RIMS2: variants seen among roughly 807,000 people sequenced by gnomAD.
The protein encoded by RIMS2 is regulating synaptic membrane exocytosis 2.
Under a neutral mutation model 174.4 loss-of-function variants are expected in RIMS2, and 59 were observed. The observed-to-expected ratio is 0.34, with a 90% confidence interval of 0.27 to 0.42. The LOEUF is 0.42. Among genes scored for constraint, RIMS2 ranks in the 10% least tolerant of loss-of-function variants. The pLI, the probability that RIMS2 is intolerant of heterozygous loss-of-function variation, is 1.00. For missense variants in RIMS2, 1,620 were observed against 1,666.3 expected (o/e 0.97, Z 0.48); for synonymous variants, 606 against 572.5 (o/e 1.06, Z -0.84).
intron 2 of RIMS2, among the ~76,000 whole-genome samples, chr8:103,713,560 T>C (rs1230860832): frequency 3.3e-5 from 5 of 152,196 alleles, no homozygotes; most frequent in Admixed American, 1.3e-4. Flanking sequence ...TCATTTCCTG[T>C]CTCTCTATGT....
chr8:103,556,353 G>T (rs1850444700), intron 1 of RIMS2, among the ~76,000 whole-genome samples: 1 of 152,044 alleles, frequency 6.6e-6, no homozygotes, highest in Non-Finnish European at 1.5e-5. Flanking sequence ...TTCCTGTAAA[G>T]CTTGATCCAA....
At chr8:104,202,665 C>A (rs2099060895) in intron 19 of RIMS2, among the ~76,000 whole-genome samples, 1 of 152,320 alleles carries the variant, frequency 6.6e-6, no homozygotes, top group East Asian at 1.9e-4. Flanking sequence ...CTGTTCCAGT[C>A]CATCTCTGCT....
At chr8:103,705,708 C>A (rs2097216666) in intron 2 of RIMS2, among the ~76,000 whole-genome samples, 1 of 151,880 alleles carries the variant, frequency 6.6e-6, no homozygotes, top group South Asian at 2.1e-4. Flanking sequence ...GCCATTTTTA[C>A]AGTTTTTTAC....
intron 15 of RIMS2, among the ~76,000 whole-genome samples, chr8:103,971,753 G>A (rs2092904304): frequency 6.6e-6 from 1 of 151,932 alleles, no homozygotes; most frequent in Non-Finnish European, 1.5e-5. Context: ...TGTATTTTTA[G>A]TAGAGATGGG....
intron 2 of RIMS2, among the ~76,000 whole-genome samples, chr8:103,712,309 G>T (rs575008787): frequency 2.6e-5 from 4 of 151,850 alleles, no homozygotes; most frequent in East Asian, 1.9e-4. Flanking sequence ...ACCATGCCTG[G>T]CTTAAAACTT....
chr8:104,015,054 A>G (rs2095863253), intron 19 of RIMS2, among the ~76,000 whole-genome samples: 1 of 152,168 alleles, frequency 6.6e-6, no homozygotes, highest in African/African-American at 2.4e-5. Flanking sequence ...GTAATCATGA[A>G]TATACAATGA....
At chr8:103,662,998 G>T (rs555717405) in intron 1 of RIMS2, among the ~76,000 whole-genome samples, 1 of 151,858 alleles carries the variant, frequency 6.6e-6, no homozygotes, top group Non-Finnish European at 1.5e-5. Context: ...GTGAAACCCC[G>T]TGTCTACTAA....
intron 19 of RIMS2, among the ~76,000 whole-genome samples, chr8:104,082,095 T>C (rs1330840611): frequency 1.3e-5 from 2 of 151,836 alleles, no homozygotes; most frequent in African/African-American, 4.8e-5. Context: ...ATTCTGGTTC[T>C]GCAACATTAA....
chr8:104,113,122 T>C (rs1367331663), intron 19 of RIMS2, among the ~76,000 whole-genome samples: 1 of 152,178 alleles, frequency 6.6e-6, no homozygotes, highest in Non-Finnish European at 1.5e-5. Flanking sequence ...GAAAGGACTT[T>C]AGAAGTTAAC....
exon 15 of RIMS2, chr8:103,961,114 T>C (rs2089892155): frequency 1.3e-6 from 2 of 1,484,902 alleles, no homozygotes; most frequent in African/African-American, 1.4e-5. Context: ...ACTGTGATGA[T>C]GGAATTGGTG....
intron 19 of RIMS2, among the ~76,000 whole-genome samples, chr8:104,024,218 C>T (rs1056756294): frequency 6.6e-6 from 1 of 152,188 alleles, no homozygotes; most frequent in African/African-American, 2.4e-5. Context: ...AGGTCTGCCA[C>T]TTGGCTGTGT....
chr8:104,076,313 G>GTT lies in RIMS2; in HGVS notation c.3334+61706_3334+61707dup, dbSNP rs35037487. Reference sequence around the variant, plus strand: ...TTATGCCCATTTTCCCCCTTCTATAGTTTTTTTTTGAATTCATGTTTGCAA... The same window carrying GTT: ...TTATGCCCATTTTCCCCCTTCTATAGTTTTTTTTTTTGAATTCATGTTTGCAA... On this transcript the variant is annotated intron_variant, in intron 19 of 23. Transcript: ENST00000504942. 2.9e-3 allele frequency among the ~76,000 whole-genome samples: 431 copies of GTT among 151,138 alleles called. 5 individuals carry two copies. The South Asian group carries it at 0.035, about 12-fold the overall frequency.
intron 3 of RIMS2, among the ~76,000 whole-genome samples, chr8:103,853,131 A>G (rs2935299): frequency 0.68 from 103,026 of 151,914 alleles, 35,885 homozygotes; most frequent in African/African-American, 0.76. Flanking sequence ...CCATGAAATA[A>G]TAAGTATCTC....
chr8:104,091,539 T>C (rs1369816840), intron 19 of RIMS2, among the ~76,000 whole-genome samples: 1 of 150,984 alleles, frequency 6.6e-6, no homozygotes, highest in Non-Finnish European at 1.5e-5. Context: ...GCCTTCCATA[T>C]ATACCTTACC....
intron 3 of RIMS2, among the ~76,000 whole-genome samples, chr8:103,766,963 G>A (rs1256722030): frequency 6.6e-6 from 1 of 152,134 alleles, no homozygotes; most frequent in Non-Finnish European, 1.5e-5. Context: ...TGGGCTGAAG[G>A]ATGATGTGGG....
At chr8:104,251,812 C>T (rs778206417) in exon 24 of RIMS2, 6 of 1,575,234 alleles carry the variant, frequency 3.8e-6, no homozygotes, top group South Asian at 3.3e-5. Flanking sequence ...TTCTTACTCT[C>T]GTTCATAGCA....
intron 13 of RIMS2, among the ~76,000 whole-genome samples, chr8:103,941,898 T>G (rs2082626597): frequency 6.6e-6 from 1 of 152,160 alleles, no homozygotes; most frequent in Admixed American, 6.5e-5. Context: ...CTTATGAAAA[T>G]TAAACAATAA....
chr8:104,131,238 C>T (rs190574751), intron 19 of RIMS2, among the ~76,000 whole-genome samples: 2 of 152,128 alleles, frequency 1.3e-5, no homozygotes, highest in East Asian at 1.9e-4. Context: ...TAGCTATTAG[C>T]GTTGTTATTA....
chr8:104,223,856 G>C (rs2099168986), intron 19 of RIMS2: 3 of 1,390,684 alleles, frequency 2.2e-6, no homozygotes, highest in Non-Finnish European at 3.0e-6. Flanking sequence ...TGGCTGGAGG[G>C]TTGGCCGGGG....
Sources: gnomAD v4.1 joint callset for allele counts (sites outside exome capture counted in the v4.1 genomes callset) on GRCh38, gnomAD v4.1.1 for gene constraint, MANE v1.5 for transcripts, NCBI Gene and HGNC (gene_info 2026-07-23, HGNC 2026-07-21) for gene names.